The following LAMA2 variants were observed in gnomAD, a reference collection of about 807,000 sequenced individuals.
The protein encoded by LAMA2 is laminin subunit alpha 2.
LAMA2 carries 269 observed loss-of-function variants against 364.8 expected under a neutral mutation model. The ratio of observed to expected loss-of-function variants is 0.74; its 90% confidence interval spans 0.67 to 0.82. The LOEUF (loss-of-function observed/expected upper bound fraction) is 0.82, where lower values mean the gene tolerates loss of function less well. LAMA2 is among the 40% of genes least tolerant of loss of function. The pLI is 0.00. For synonymous variants in LAMA2, 1,379 were observed against 1,370.6 expected (o/e 1.01, Z -0.14); for missense variants, 3,807 against 3,873.2 (o/e 0.98, Z 0.45).
intron 3 of LAMA2, among the ~76,000 whole-genome samples, chr6:129,090,930 C>T (rs1269244606): frequency 6.6e-6 from 1 of 152,126 alleles, no homozygotes; most frequent in Non-Finnish European, 1.5e-5. Flanking sequence ...ACTGTAGCAT[C>T]CTGTGTACTA....
Position 129,252,063 on chromosome 6 carries a change from TTC to T in LAMA2, c.1885-19_1885-18del. On this transcript the variant is annotated intron_variant, in intron 13 of 64. Coordinates refer to ENST00000421865, the MANE Select transcript of LAMA2 (RefSeq NM_000426.4). The stretch of plus-strand genomic sequence containing the variant: ...TCTTTTCAGTTTTACTCTTTTTTAT[TTC>T]TTTTTTTTCCCCCTTTAGGGTAATG... 1 of 1,564,416 alleles carries T rather than the reference TTC, an allele frequency of 6.4e-7. No individual in the cohort carries two copies. Among genetic ancestry groups the T allele is most frequent in the Non-Finnish European group, 8.8e-7 (1 of 1,136,420 alleles).
chr6:129,503,827 C>T (rs1785838146), intron 60 of LAMA2, among the ~76,000 whole-genome samples: 1 of 152,104 alleles, frequency 6.6e-6, no homozygotes, highest in Non-Finnish European at 1.5e-5. Flanking sequence ...GTTTAAAGGG[C>T]TCTAAGGTAT....
At chr6:129,019,056 T>C (rs1785252024) in intron 1 of LAMA2, among the ~76,000 whole-genome samples, 1 of 152,112 alleles carries the variant, frequency 6.6e-6, no homozygotes, top group Admixed American at 6.5e-5. Flanking sequence ...GATTGATTAT[T>C]CCCTATGCCC....
At chr6:129,508,125 GT>G (rs1403427307) in intron 62 of LAMA2, among the ~76,000 whole-genome samples, 1 of 152,126 alleles carries the variant, frequency 6.6e-6, no homozygotes, top group East Asian at 1.9e-4. Flanking sequence ...TCTCCACTCC[GT>G]TTCTAATGAA....
intron 1 of LAMA2, among the ~76,000 whole-genome samples, chr6:128,954,772 A>G (rs1781042123): frequency 6.6e-6 from 1 of 152,010 alleles, no homozygotes; most frequent in African/African-American, 2.4e-5. Context: ...CTTTTAAAAC[A>G]ATCTTTTGGT....
At chr6:129,352,299 G>A (rs1014028878) in intron 31 of LAMA2, among the ~76,000 whole-genome samples, 1 of 152,164 alleles carries the variant, frequency 6.6e-6, no homozygotes, top group South Asian at 2.1e-4. Flanking sequence ...ATACACTTAG[G>A]TGAATGGATG....
intron 4 of LAMA2, among the ~76,000 whole-genome samples, chr6:129,135,261 G>A (rs1166728484): frequency 2.6e-5 from 4 of 152,170 alleles, no homozygotes; most frequent in Admixed American, 2.6e-4. Context: ...TCAGATGATA[G>A]AATGAAGGGA....
At chr6:129,344,879 T>C (rs966950907) in intron 30 of LAMA2, among the ~76,000 whole-genome samples, 1 of 152,162 alleles carries the variant, frequency 6.6e-6, no homozygotes, top group East Asian at 1.9e-4. Flanking sequence ...CTGAAGCACA[T>C]AGAAGCCAAT....
chr6:129,441,595 A>C (rs1346081153), intron 43 of LAMA2, among the ~76,000 whole-genome samples: 1 of 152,144 alleles, frequency 6.6e-6, no homozygotes, highest in Non-Finnish European at 1.5e-5. Context: ...AGAAAACCTG[A>C]GAGAAAATAT....
rs1245320531 is a variant in LAMA2, at chr6:129,514,574, G to T, written c.9190G>T (p.Val3064Leu). The change falls in exon 64 of 65, where the codon GTG becomes TTG. Residue 3064 changes from valine to leucine, a missense_variant. By Grantham distance (32) the Val-to-Leu change is conservative (BLOSUM62 1). Coordinates refer to ENST00000421865, the MANE Select transcript of LAMA2 (RefSeq NM_000426.4). ...TACATCAGCTGACACAAATGACCCT[G>T]TGTTTGTTGGAGGCTTCCCAGGTGA... ...ASTSADTNDP[V>L]FVGGFPDDLK... 1 of 1,614,050 alleles carries T rather than the reference G, an allele frequency of 6.2e-7. No homozygotes were observed. The highest frequency in any genetic ancestry group is 8.5e-7 in the Non-Finnish European group (1 of 1,179,984).
At chr6:129,132,969 T>G (rs1777578371) in intron 4 of LAMA2, among the ~76,000 whole-genome samples, 2 of 152,274 alleles carry the variant, frequency 1.3e-5, no homozygotes, top group South Asian at 2.1e-4. Context: ...TCCAACAAAT[T>G]TGATCTTAAA....
At chr6:129,148,266 C>T (rs1221679520) in intron 6 of LAMA2, among the ~76,000 whole-genome samples, 1 of 152,080 alleles carries the variant, frequency 6.6e-6, no homozygotes, top group Non-Finnish European at 1.5e-5. Flanking sequence ...GAAAACCAAA[C>T]ACTATATGTT....
chr6:129,286,166 AG>A (rs1684668082), intron 18 of LAMA2, among the ~76,000 whole-genome samples: 1 of 152,148 alleles, frequency 6.6e-6, no homozygotes, highest in Non-Finnish European at 1.5e-5. Context: ...TGAGCATAAA[AG>A]TGGTGTACTA....
intron 37 of LAMA2, among the ~76,000 whole-genome samples, chr6:129,394,281 A>G (rs1462969498): frequency 6.6e-6 from 1 of 152,244 alleles, no homozygotes; most frequent in Non-Finnish European, 1.5e-5. Flanking sequence ...TTCACCGTCA[A>G]CAGTAACTCA....
At chr6:128,896,708 A>G (rs575666255) in intron 1 of LAMA2, among the ~76,000 whole-genome samples, 1 of 152,296 alleles carries the variant, frequency 6.6e-6, no homozygotes, top group East Asian at 1.9e-4. Context: ...TTTTTTAGAA[A>G]ACATCATTCA....
Position 128,950,091 on chromosome 6 carries a change from G to A in LAMA2, c.112+66734G>A, listed in dbSNP as rs1390733678. Among the ~76,000 whole-genome samples the A allele has an allele frequency of 3.3e-5, 5 of 151,984 alleles. No individual in the cohort carries two copies. In the East Asian group the frequency reaches 5.8e-4, roughly 18 times the overall value. ...TTGTTTAAGTACTTACAATATGCCC[G>A]GGACTGTACATGATGCTAAAAGTAG... On this transcript the variant is annotated intron_variant, in intron 1 of 64. Transcript: ENST00000421865.
intron 58 of LAMA2, among the ~76,000 whole-genome samples, chr6:129,496,039 C>T (rs1388310332): frequency 6.6e-6 from 1 of 152,184 alleles, no homozygotes; most frequent in Non-Finnish European, 1.5e-5. Context: ...TCTTAACTTG[C>T]ACATGAGGAA....
At chr6:129,409,688 G>A (rs1008542112) in intron 40 of LAMA2, among the ~76,000 whole-genome samples, 1 of 152,138 alleles carries the variant, frequency 6.6e-6, no homozygotes, top group African/African-American at 2.4e-5. Flanking sequence ...CCACCTCTAG[G>A]AGTCACCTAT....
At chr6:129,225,448 C>T (rs1239494556) in intron 12 of LAMA2, among the ~76,000 whole-genome samples, 1 of 152,140 alleles carries the variant, frequency 6.6e-6, no homozygotes, top group Admixed American at 6.5e-5. Context: ...TTGGATCTTT[C>T]CTGCTTTCTC....
Sources: gnomAD v4.1 joint callset for allele counts (sites outside exome capture counted in the v4.1 genomes callset) on GRCh38, gnomAD v4.1.1 for gene constraint, MANE v1.5 for transcripts, NCBI Gene and HGNC (gene_info 2026-07-23, HGNC 2026-07-21) for gene names.